Variants in PRTFDC1 observed in about 807,000 individuals in gnomAD.
PRTFDC1 encodes phosphoribosyltransferase domain-containing protein 1.
PRTFDC1 carries 38 observed loss-of-function variants against 34.6 expected under a neutral mutation model. That is an observed-to-expected ratio of 1.10 (90% CI 0.85 to 1.44). The LOEUF (loss-of-function observed/expected upper bound fraction) is 1.44. Ranked by LOEUF, PRTFDC1 falls within the 40% of genes most tolerant of loss-of-function variation. PRTFDC1 has a pLI of 0.00. For missense variants in PRTFDC1, 270 were observed against 283.0 expected (o/e 0.95, Z 0.33); for synonymous variants, 93 against 98.1 (o/e 0.95, Z 0.31).
At chr10:24,854,794 A>G (rs1165333679) in intron 7 of PRTFDC1, among the ~76,000 whole-genome samples, 2 of 152,010 alleles carry the variant, frequency 1.3e-5, no homozygotes, top group African/African-American at 4.8e-5. Context: ...GGTGAAGGGG[A>G]GCTGTCTTAG....
At chr10:24,908,869 T>TG in intron 3 of PRTFDC1, 2 of 914,536 alleles carry the variant, frequency 2.2e-6, no homozygotes, top group Non-Finnish European at 3.1e-6. Flanking sequence ...AGAAGACCTC[T>TG]GGCTGGGGTG....
intron 3 of PRTFDC1, among the ~76,000 whole-genome samples, chr10:24,911,167 C>A (rs1299098353): frequency 1.3e-5 from 2 of 152,208 alleles, no homozygotes; most frequent in African/African-American, 4.8e-5. Flanking sequence ...AGTCATCTAT[C>A]ATTACAGTCA....
At chr10:24,908,712 T>A in intron 3 of PRTFDC1, 1 of 1,558,040 alleles carries the variant, frequency 6.4e-7, no homozygotes, top group Non-Finnish European at 8.7e-7. Flanking sequence ...CATGGAGCAG[T>A]GAGGGAGGAA....
intron 3 of PRTFDC1, among the ~76,000 whole-genome samples, chr10:24,885,212 G>A (rs543265245): frequency 6.6e-6 from 1 of 152,204 alleles, no homozygotes; most frequent in Non-Finnish European, 1.5e-5. Flanking sequence ...ACCCATAAAT[G>A]TTAGGGGCAA....
chr10:24,903,855 T>C lies in PRTFDC1; in HGVS notation c.340-31792A>G, dbSNP rs1267556688. ...ACACCCAGCTAATTTATTATTATTA[T>C]TATTATTATTAATTTATAGGGCTGG... On this transcript the variant is annotated intron_variant, in intron 3 of 8. Coordinates refer to ENST00000320152, the MANE Select transcript of PRTFDC1 (RefSeq NM_020200.7). Among the ~76,000 whole-genome samples, 6 of 151,406 alleles carry C rather than the reference T, an allele frequency of 4.0e-5. No individual in the cohort carries two copies. The South Asian group carries it at 1.3e-3, about 32-fold the overall frequency.
In PRTFDC1 at chr10:24,942,334, C is replaced by T; in HGVS notation, c.151G>A (p.Asp51Asn). 6.2e-7 allele frequency: 1 copy of T among 1,608,864 alleles called. No individual in the cohort carries two copies. Among genetic ancestry groups the T allele is most frequent in the Non-Finnish European group, 8.5e-7 (1 of 1,175,228 alleles). ...YVLIPHGIIV[D>N]RIERLAKDIM... ...GACACAGGAAATCACACTCACCTGT[C>T]CACAATGATACCATGAGGGATGAGG... The change falls in exon 2 of 9, where the codon GAC becomes AAC. Residue 51 changes from aspartate (D) to asparagine (N), a missense_variant. Asp to Asn is a conservative substitution (Grantham distance 23). Coordinates refer to ENST00000320152, the MANE Select transcript of PRTFDC1 (RefSeq NM_020200.7).
At chr10:24,897,963 G>T (rs1475572309) in intron 3 of PRTFDC1, among the ~76,000 whole-genome samples, 1 of 152,148 alleles carries the variant, frequency 6.6e-6, no homozygotes, top group Non-Finnish European at 1.5e-5. Flanking sequence ...CGTCTTTAAA[G>T]AATCTAAGTG....
At chr10:24,939,240 G>A (rs974350958) in intron 2 of PRTFDC1, among the ~76,000 whole-genome samples, 1 of 146,808 alleles carries the variant, frequency 6.8e-6, no homozygotes, top group Non-Finnish European at 1.5e-5. Flanking sequence ...GGCGGAGGTT[G>A]CAGTAAGCCC....
At chr10:24,904,025 A>G (rs2132557414) in intron 3 of PRTFDC1, among the ~76,000 whole-genome samples, 1 of 152,160 alleles carries the variant, frequency 6.6e-6, no homozygotes, top group South Asian at 2.1e-4. Flanking sequence ...GAAGAGGGTC[A>G]CTGAGAAAAA....
At chr10:24,908,825 T>A in intron 3 of PRTFDC1, 1 of 1,331,238 alleles carries the variant, frequency 7.5e-7, no homozygotes, top group Non-Finnish European at 9.9e-7. Flanking sequence ...CTTTTCCAAA[T>A]AGCCCATTTG....
chr10:24,882,735 G>A (rs1289662661), intron 3 of PRTFDC1, among the ~76,000 whole-genome samples: 1 of 150,884 alleles, frequency 6.6e-6, no homozygotes, highest in Non-Finnish European at 1.5e-5. Context: ...TGGACTCCTG[G>A]GCTCAAGTGA....
intron 6 of PRTFDC1, among the ~76,000 whole-genome samples, chr10:24,856,193 C>G (rs567121137): frequency 6.7e-6 from 1 of 149,574 alleles, no homozygotes; most frequent in Admixed American, 6.7e-5. Context: ...CACTTGAGCC[C>G]AGAAGTTTGA....
At chr10:24,926,156 T>C (rs958751824) in intron 3 of PRTFDC1, among the ~76,000 whole-genome samples, 4 of 152,234 alleles carry the variant, frequency 2.6e-5, no homozygotes, top group African/African-American at 9.6e-5. Flanking sequence ...TCTAGCTGTG[T>C]GTTCTTGGGA....
chr10:24,928,607 C>G (rs1848918165), intron 3 of PRTFDC1, among the ~76,000 whole-genome samples: 1 of 152,056 alleles, frequency 6.6e-6, no homozygotes, highest in African/African-American at 2.4e-5. Flanking sequence ...CCACGCCCAG[C>G]TAATTTTTGT....
At chr10:24,894,901 C>A (rs1848324335) in intron 3 of PRTFDC1, among the ~76,000 whole-genome samples, 1 of 152,124 alleles carries the variant, frequency 6.6e-6, no homozygotes, top group South Asian at 2.1e-4. Context: ...AGTGGCGACA[C>A]ACACCACTGT....
chr10:24,943,191 G>T (rs1849196832), intron 1 of PRTFDC1, among the ~76,000 whole-genome samples: 1 of 124,408 alleles, frequency 8.0e-6, no homozygotes, highest in African/African-American at 2.6e-5. Context: ...GCCTGGAAAA[G>T]ATTTCTTATT....
rs1335400121 is a variant in PRTFDC1, at chr10:24,937,300, G to A, written c.223C>T (p.Leu75Phe). The A allele has an allele frequency of 1.9e-6, 3 of 1,613,690 alleles. No individual in the cohort carries two copies. The highest frequency in any genetic ancestry group is 2.5e-6 in the Non-Finnish European group (3 of 1,179,916). Residue 75 changes from leucine (L) to phenylalanine (F), a missense_variant, in exon 3 of 9, where the codon CTT becomes TTT. Coordinates refer to ENST00000320152, the MANE Select transcript of PRTFDC1 (RefSeq NM_020200.7). ...GYSDIMVLCV[L>F]KGGYKFCADL... ...GCACAGAATTTGTAACCTCCTTTAA[G>A]CACACACAGGACCATGATGTCACTA...
At chr10:24,897,964 A>G (rs1848394895) in intron 3 of PRTFDC1, among the ~76,000 whole-genome samples, 1 of 152,158 alleles carries the variant, frequency 6.6e-6, no homozygotes. Context: ...GTCTTTAAAG[A>G]ATCTAAGTGT....
chr10:24,865,336 G>T (rs1847756765), intron 4 of PRTFDC1, among the ~76,000 whole-genome samples: 1 of 151,778 alleles, frequency 6.6e-6, no homozygotes, highest in Non-Finnish European at 1.5e-5. Context: ...TTTTAATTTT[G>T]CACTAAGCAA....
Sources: gnomAD v4.1 joint callset for allele counts (sites outside exome capture counted in the v4.1 genomes callset) on GRCh38, gnomAD v4.1.1 for gene constraint, MANE v1.5 for transcripts, NCBI Gene and HGNC (gene_info 2026-07-23, HGNC 2026-07-21) for gene names.